Variants in TBC1D31 observed in about 807,000 individuals in gnomAD.
TBC1D31 encodes the protein TBC1 domain family member 31.
A neutral mutation model predicts 132.9 loss-of-function variants in TBC1D31; 99 were observed. That is an observed-to-expected ratio of 0.74 (90% CI 0.63 to 0.88). The LOEUF (loss-of-function observed/expected upper bound fraction) is 0.88. TBC1D31 is among the 40% of genes least tolerant of loss of function. TBC1D31 has a pLI of 0.00. For missense variants in TBC1D31, 1,134 were observed against 1,256.6 expected (o/e 0.90, Z 1.48); for synonymous variants, 385 against 419.4 (o/e 0.92, Z 1.00).
chr8:123,085,549 C>T (rs1043555020), intron 4 of TBC1D31, among the ~76,000 whole-genome samples: 1 of 152,176 alleles, frequency 6.6e-6, no homozygotes. Context: ...ATTCTCCTGC[C>T]TCAGCCTCCC....
chr8:123,082,874 G>T, intron 3 of TBC1D31, 57 bp downstream of exon 3: 1 of 1,223,948 alleles, frequency 8.2e-7, no homozygotes, highest in Non-Finnish European at 1.2e-6. Context: ...CTGAAGAACT[G>T]CAAGAACTTT....
chr8:123,114,407 C>T (rs1690298387), intron 10 of TBC1D31, among the ~76,000 whole-genome samples: 1 of 151,890 alleles, frequency 6.6e-6, no homozygotes, highest in South Asian at 2.1e-4. Context: ...TGTAACCTGC[C>T]CCTCCCAGGT....
At chr8:123,136,604 C>T (rs758300423) in intron 17 of TBC1D31, among the ~76,000 whole-genome samples, 9 of 152,156 alleles carry the variant, frequency 5.9e-5, no homozygotes, top group Non-Finnish European at 1.2e-4. Context: ...GTGCCCACCA[C>T]CGCACCTGGC....
At position 123,084,206 on chromosome 8, in the gene TBC1D31, GT is replaced by G; in HGVS notation, c.386del (p.Val129AspfsTer35). On this transcript the variant is annotated frameshift_variant, in exon 4 of 22. Coordinates refer to ENST00000287380, the MANE Select transcript of TBC1D31 (RefSeq NM_145647.4). LOFTEE classifies it high-confidence loss of function. ...VSWMRGHESS[V>X]FSISVHASGK... ...CTGGATGAGAGGACATGAATCATCA[GT>G]ATTTTCGATCTCTGTGCATGCATCA... The G allele has an allele frequency of 6.2e-7, 1 of 1,614,178 alleles. No homozygotes were observed. Among genetic ancestry groups the G allele is most frequent in the East Asian group, 2.2e-5 (1 of 44,888 alleles).
intron 17 of TBC1D31, among the ~76,000 whole-genome samples, chr8:123,136,715 G>A (rs1053221704): frequency 1.3e-5 from 2 of 152,164 alleles, no homozygotes; most frequent in Non-Finnish European, 2.9e-5. Flanking sequence ...CCTCCCAAAA[G>A]CTGGGATTAC....
downstream of TBC1D31, among the ~76,000 whole-genome samples, chr8:123,153,134 C>T (rs1379882068): frequency 6.6e-6 from 1 of 152,084 alleles, no homozygotes; most frequent in African/African-American, 2.4e-5. Flanking sequence ...CAAACATATG[C>T]CTGCATGGGC....
At chr8:123,161,526 C>A in the TBC1D31 span, among the ~76,000 whole-genome samples, 2 of 152,198 alleles carry the variant, frequency 1.3e-5, no homozygotes, top group Admixed American at 6.5e-5. Context: ...CACCGCCCCC[C>A]TTCTCAGCAG....
the TBC1D31 span, among the ~76,000 whole-genome samples, chr8:123,164,367 A>G: frequency 7.9e-5 from 12 of 152,196 alleles, no homozygotes; most frequent in African/African-American, 2.4e-5. Context: ...GCAGGGAAAA[A>G]TACTCAGCTT....
Position 123,129,109 on chromosome 8 carries a change from G to A in TBC1D31, c.2161G>A (p.Val721Ile), listed in dbSNP as rs1563737947. Residue 721 changes from valine to isoleucine, a missense_variant, in exon 15 of 22, where the codon GTT (valine) becomes ATT (isoleucine). Physicochemically the swap from Val to Ile is conservative, Grantham distance 29 (BLOSUM62 3). Coordinates refer to ENST00000287380, the MANE Select transcript of TBC1D31 (RefSeq NM_145647.4). ...DMQAKVDQQR[V>I]EDEAWYQKQE... Reference sequence around the variant, plus strand: ...GCAAGCTAAAGTCGACCAGCAAAGAGTTGAAGATGAAGCTTGGTACCAGAA... The same window carrying A: ...GCAAGCTAAAGTCGACCAGCAAAGAATTGAAGATGAAGCTTGGTACCAGAA... 4 of 1,609,740 alleles carry A rather than the reference G, an allele frequency of 2.5e-6. No individual in the cohort carries two copies. The highest frequency in any genetic ancestry group is 1.1e-5 in the South Asian group (1 of 90,570).
At chr8:123,132,403 C>CTTTTTT (rs34901750) in intron 16 of TBC1D31, among the ~76,000 whole-genome samples, 9 of 55,444 alleles carry the variant, frequency 1.6e-4, no homozygotes, top group African/African-American at 2.2e-4. Context: ...TTTTTTAAGT[C>CTTTTTT]TTTTTTTTTT....
intron 4 of TBC1D31, among the ~76,000 whole-genome samples, chr8:123,088,876 GTTTT>G (rs1376908997): frequency 1.3e-5 from 2 of 151,916 alleles, no homozygotes; most frequent in African/African-American, 4.8e-5. Flanking sequence ...TTCTGGAGTT[GTTTT>G]TTCTGTTTCA....
chr8:123,076,043 T>C (rs1814478646), intron 1 of TBC1D31, among the ~76,000 whole-genome samples: 1 of 152,226 alleles, frequency 6.6e-6, no homozygotes, highest in African/African-American at 2.4e-5. Flanking sequence ...ATATTGCTAT[T>C]ACCTGCAGAC....
chr8:123,079,788 C>T (rs1163690577), intron 2 of TBC1D31, among the ~76,000 whole-genome samples: 1 of 152,130 alleles, frequency 6.6e-6, no homozygotes, highest in Non-Finnish European at 1.5e-5. Flanking sequence ...TCAAGCTTTC[C>T]TTTCTCCTTC....
intron 4 of TBC1D31, among the ~76,000 whole-genome samples, chr8:123,093,011 C>T (rs942176913): frequency 2.6e-5 from 4 of 152,058 alleles, no homozygotes; most frequent in Middle Eastern, 3.4e-3. Context: ...GAGGTTTCAC[C>T]TTGTTGGTCA....
Position 123,129,175 on chromosome 8 carries a change from A to G in TBC1D31, c.2227A>G (p.Met743Val), listed in dbSNP as rs1445965790. The part of the protein sequence containing the change: ...LRKAEETRRE[M>V]LLQEEEKMIQ... ...TAAAGCTGAAGAAACAAGAAGAGAA[A>G]TGCTCTTACAAGAGGAGGAGAAAAT... is the stretch of plus-strand genomic sequence containing the variant. The change falls in exon 15 of 22, where the codon ATG becomes GTG. Residue 743 changes from methionine (M) to valine (V), a missense_variant. Coordinates refer to ENST00000287380, the MANE Select transcript of TBC1D31 (RefSeq NM_145647.4). 3 of 1,607,228 alleles carry G rather than the reference A, an allele frequency of 1.9e-6. No homozygotes were observed. The highest frequency in any genetic ancestry group is 2.7e-5 in the African/African-American group (2 of 74,850).
chr8:123,136,182 T>C (rs1821074141), intron 17 of TBC1D31, among the ~76,000 whole-genome samples: 1 of 152,216 alleles, frequency 6.6e-6, no homozygotes, highest in Non-Finnish European at 1.5e-5. Flanking sequence ...TAAACCTTAT[T>C]CAGATTTGAT....
chr8:123,096,038 T>C (rs1342885620), intron 5 of TBC1D31, among the ~76,000 whole-genome samples: 2 of 152,236 alleles, frequency 1.3e-5, no homozygotes, highest in African/African-American at 4.8e-5. Context: ...CAAGCTACCC[T>C]AGCCTCTTTT....
Position 123,128,473 on chromosome 8 carries a change from G to T in TBC1D31, c.2077G>T (p.Glu693Ter), listed in dbSNP as rs1820300777. Residue 693 changes from glutamate (E) to a stop codon, truncating the protein, a stop_gained, in exon 14 of 22, where the codon GAA (glutamate) becomes TAA (stop). Coordinates refer to ENST00000287380, the MANE Select transcript of TBC1D31 (RefSeq NM_145647.4). LOFTEE classifies it high-confidence loss of function. The part of the protein sequence containing the change: ...FIVDYQTQER[E>*]RIRNDELDYL... ...TGTGGACTATCAAACACAGGAACGA[G>T]AAAGAATAAGGAATGATGAATTGGA... 1.2e-6 allele frequency: 2 copies of T among 1,613,074 alleles called. No individual in the cohort carries two copies. Among genetic ancestry groups the T allele is most frequent in the Admixed American group, 1.7e-5 (1 of 60,012 alleles).
intron 4 of TBC1D31, among the ~76,000 whole-genome samples, 153 bp from the exon 5 acceptor site, chr8:123,093,438 C>CAGTATT (rs1816543615): frequency 6.6e-6 from 1 of 151,304 alleles, no homozygotes; most frequent in Admixed American, 6.6e-5. Flanking sequence ...ATGAAATAAT[C>CAGTATT]AGTATTACTC....
Sources: gnomAD v4.1 joint callset for allele counts (sites outside exome capture counted in the v4.1 genomes callset) on GRCh38, gnomAD v4.1.1 for gene constraint, MANE v1.5 for transcripts, NCBI Gene and HGNC (gene_info 2026-07-23, HGNC 2026-07-21) for gene names.